SPAST: variants seen among roughly 807,000 people sequenced by gnomAD.
The protein encoded by SPAST is spastic paraplegia 4 (autosomal dominant; spastin).
Under a neutral mutation model 76.6 loss-of-function variants are expected in SPAST, and 30 were observed. That is an observed-to-expected ratio of 0.39 (90% CI 0.29 to 0.53). The LOEUF (loss-of-function observed/expected upper bound fraction) is 0.53. Ranked by LOEUF, SPAST falls within the 20% of genes least tolerant of loss-of-function variation. The probability of loss-of-function intolerance (pLI) is 0.68; values close to 1 mark genes in which losing one functional copy is unlikely to be tolerated. For synonymous variants in SPAST, 305 were observed against 281.0 expected, an observed-to-expected ratio of 1.09 and a Z score of -0.86; for missense variants, 717 against 770.5, an observed-to-expected ratio of 0.93 and a Z score of 0.82.
intron 16 of SPAST, among the ~76,000 whole-genome samples, chr2:32,149,740 G>T (rs1362236147): frequency 6.6e-6 from 1 of 152,134 alleles, no homozygotes; most frequent in Non-Finnish European, 1.5e-5. Flanking sequence ...ATCTAGAGAT[G>T]ATTTAAAGTA....
rs570310326 is a variant in SPAST at position 32,108,929 on chromosome 2, C to T, written c.683-5709C>T. On this transcript the variant is annotated intron_variant, in intron 4 of 16. Transcript: ENST00000315285. ...TACAGATGCGTGCCACCATACCCAG[C>T]TGATTTTTGTATTCTTAGTAGAAAC... 2.6e-5 allele frequency among the ~76,000 whole-genome samples: 4 copies of T among 151,326 alleles called. No homozygotes were observed. In the Admixed American group the frequency reaches 2.6e-4, roughly 10 times the overall value.
intron 7 of SPAST, among the ~76,000 whole-genome samples, chr2:32,120,755 A>G (rs1300576078): frequency 1.3e-5 from 2 of 151,692 alleles, no homozygotes; most frequent in Non-Finnish European, 2.9e-5. Flanking sequence ...TTTAAATTCC[A>G]TATTTTCCAC....
In SPAST at chr2:32,136,568, A is replaced by C. The variant is rs901530077; in HGVS notation, c.1251A>C (p.Gly417=). Residue 417 remains glycine (G), a synonymous_variant, in exon 10 of 17, where the codon GGA becomes GGC. Coordinates refer to ENST00000315285, the MANE Select transcript of SPAST (RefSeq NM_014946.4). ...SAASLTSKYV[G]EGEKLVRALF... ...AGTATAATGCTTTGTTTTAGGTGGG[A>C]GAAGGAGAGAAATTGGTGAGGGCTC... 1 of 1,611,808 alleles carries C rather than the reference A, an allele frequency of 6.2e-7. No homozygotes were observed. Among genetic ancestry groups the C allele is most frequent in the African/African-American group, 1.3e-5 (1 of 75,010 alleles).
In SPAST at chr2:32,127,222, A is replaced by G. The variant is rs1679225748; in HGVS notation, c.1173+200A>G. On this transcript the variant is annotated intron_variant, in intron 8 of 16. Coordinates refer to ENST00000315285, the MANE Select transcript of SPAST (RefSeq NM_014946.4). ...AACCTCCGCCTCCTGGGTTCAAGCG[A>G]TTTTCATGCCTCAGCCTCCCAAGTA... 4 of 559,570 alleles carry G rather than the reference A, an allele frequency of 7.1e-6. No homozygotes were observed. In the East Asian group the frequency reaches 1.3e-4, roughly 18 times the overall value. The allele number at this position is 559,570 out of a possible 1,614,324, so 34.7% of individuals were successfully genotyped here.
At chr2:32,100,612 C>T (rs898101728) in intron 4 of SPAST, among the ~76,000 whole-genome samples, 1 of 152,046 alleles carries the variant, frequency 6.6e-6, no homozygotes, top group African/African-American at 2.4e-5. Context: ...CCTCCCCTCT[C>T]CCCTCACCCC....
At chr2:32,150,339 C>G (rs1680040679) in intron 16 of SPAST, among the ~76,000 whole-genome samples, 1 of 149,158 alleles carries the variant, frequency 6.7e-6, no homozygotes. Flanking sequence ...ATCCGCCCAC[C>G]TTGGCCTCCC....
At chr2:32,127,099 C>T (rs897387100) in intron 8 of SPAST, 77 bp downstream of exon 8, 1 of 950,658 alleles carries the variant, frequency 1.1e-6, no homozygotes, top group Non-Finnish European at 1.7e-6. Flanking sequence ...TTATCTTGTC[C>T]TTGAGTCTAT....
chr2:32,076,507 C>T (rs1023357986), intron 1 of SPAST, among the ~76,000 whole-genome samples: 2 of 152,204 alleles, frequency 1.3e-5, no homozygotes, highest in Middle Eastern at 6.8e-3. Context: ...CAGACATGAG[C>T]CATCACACTG....
At chr2:32,084,166 TTTTGTTTG>T (rs981616580) in intron 1 of SPAST, among the ~76,000 whole-genome samples, 1 of 151,692 alleles carries the variant, frequency 6.6e-6, no homozygotes, top group Non-Finnish European at 1.5e-5. Flanking sequence ...TTCATTTCTT[TTTTGTTTG>T]TTTGTTTGTT....
chr2:32,108,063 A>G (rs920963170), intron 4 of SPAST, among the ~76,000 whole-genome samples: 1 of 152,190 alleles, frequency 6.6e-6, no homozygotes, highest in Non-Finnish European at 1.5e-5. Context: ...AAAAGCAATC[A>G]GTAGAAACTG....
At chr2:32,068,476 C>T (rs1268543749) in intron 1 of SPAST, among the ~76,000 whole-genome samples, 3 of 151,878 alleles carry the variant, frequency 2.0e-5, no homozygotes, top group Non-Finnish European at 4.4e-5. Flanking sequence ...CATGTGCCAC[C>T]CCACACCCAG....
At chr2:32,115,961 G>C (rs1678817911) in intron 6 of SPAST, 126 bp downstream of exon 6, 2 of 966,460 alleles carry the variant, frequency 2.1e-6, no homozygotes, top group Non-Finnish European at 3.1e-6. Flanking sequence ...TTTTATGATA[G>C]TTTTCAATTA....
chr2:32,069,949 C>T lies in SPAST; in HGVS notation c.415+5703C>T, dbSNP rs547785041. Among the ~76,000 whole-genome samples, 9 of 151,614 alleles carry T rather than the reference C, an allele frequency of 5.9e-5. No individual in the cohort carries two copies. The South Asian group carries it at 1.7e-3, about 28-fold the overall frequency. ...TAGTGTTAATTGAAATATTTGGTAC[C>T]TTGAAATGTTAAATGCCAAATTAAA... On this transcript the variant is annotated intron_variant, in intron 1 of 16. Coordinates refer to ENST00000315285, the MANE Select transcript of SPAST (RefSeq NM_014946.4).
In SPAST at chr2:32,063,727, C is replaced by T. The variant is rs1019887086; in HGVS notation, c.-105C>T. On this transcript the variant is annotated 5_prime_UTR_variant, in exon 1 of 17. Coordinates refer to ENST00000315285, the MANE Select transcript of SPAST (RefSeq NM_014946.4). ...GCGGAGCTCCTGAGACCGGCGGGCA[C>T]ACGGGGGTCTGTGGCCCCCGCCGTA... is the stretch of plus-strand genomic sequence containing the variant. 6.7e-5 allele frequency: 97 copies of T among 1,445,324 alleles called. No homozygotes were observed. The highest frequency in any genetic ancestry group is 4.3e-4 in the South Asian group (32 of 75,056). The allele number at this position is 1,445,324 out of a possible 1,614,324, so 89.5% of individuals were successfully genotyped here.
intron 16 of SPAST, among the ~76,000 whole-genome samples, chr2:32,152,618 A>G (rs527256171): frequency 6.6e-6 from 1 of 152,276 alleles, no homozygotes; most frequent in South Asian, 2.1e-4. Context: ...TTTAATACCC[A>G]TGTTACATTC....
intron 9 of SPAST, among the ~76,000 whole-genome samples, chr2:32,131,907 G>C (rs564713044): frequency 6.6e-6 from 1 of 151,708 alleles, no homozygotes; most frequent in South Asian, 2.1e-4. Context: ...TGATCCGCCC[G>C]CATCTACCTC....
intron 13 of SPAST, among the ~76,000 whole-genome samples, chr2:32,142,296 C>CA (rs1159387826): frequency 6.6e-6 from 1 of 152,166 alleles, no homozygotes; most frequent in Non-Finnish European, 1.5e-5. Context: ...GCTGCATACT[C>CA]ACTTCATATA....
chr2:32,147,615 C>T (rs920102730), intron 16 of SPAST, among the ~76,000 whole-genome samples: 1 of 130,464 alleles, frequency 7.7e-6, no homozygotes, highest in African/African-American at 2.9e-5. Flanking sequence ...CTGCATCTGG[C>T]TGTTTTGTTT....
intron 3 of SPAST, among the ~76,000 whole-genome samples, chr2:32,093,306 G>A (rs1677795237): frequency 1.2e-5 from 1 of 85,970 alleles, no homozygotes. Flanking sequence ...GCGAGACTCC[G>A]TCTCAAAAAA....
Sources: gnomAD v4.1 joint callset for allele counts (sites outside exome capture counted in the v4.1 genomes callset) on GRCh38, gnomAD v4.1.1 for gene constraint, MANE v1.5 for transcripts, NCBI Gene and HGNC (gene_info 2026-07-23, HGNC 2026-07-21) for gene names.